The following GRIA4 variants were observed in gnomAD, a reference collection of about 807,000 sequenced individuals.
GRIA4 encodes the protein glutamate receptor 4.
Under a neutral mutation model 104.0 loss-of-function variants are expected in GRIA4, and 34 were observed. The ratio of observed to expected loss-of-function variants is 0.33; its 90% CI spans 0.25 to 0.44. GRIA4 has a LOEUF of 0.44. Among genes scored for constraint, GRIA4 ranks in the 20% least tolerant of loss-of-function variants. The probability of loss-of-function intolerance (pLI) is 1.00; values close to 1 mark genes in which losing one functional copy is unlikely to be tolerated. For synonymous variants in GRIA4, 386 were observed against 381.9 expected (o/e 1.01, Z -0.13); for missense variants, 750 against 1,096.5 (o/e 0.68, Z 4.46).
chr11:105,954,538 A>T (rs1948535734), intron 14 of GRIA4, among the ~76,000 whole-genome samples: 1 of 152,152 alleles, frequency 6.6e-6, no homozygotes, highest in Non-Finnish European at 1.5e-5. Flanking sequence ...TCTTTTCAAT[A>T]ATCAACATTA....
At chr11:105,929,113 A>C (rs1417709540) in intron 13 of GRIA4, among the ~76,000 whole-genome samples, 1 of 152,080 alleles carries the variant, frequency 6.6e-6, no homozygotes, top group African/African-American at 2.4e-5. Flanking sequence ...GGGTTCTTTG[A>C]TAAAAATCTC....
At chr11:105,654,464 C>CT (rs1204403800) in intron 3 of GRIA4, among the ~76,000 whole-genome samples, 1 of 151,596 alleles carries the variant, frequency 6.6e-6, no homozygotes, top group Non-Finnish European at 1.5e-5. Flanking sequence ...AAGAACAATA[C>CT]TTTTTTATCT....
intron 3 of GRIA4, among the ~76,000 whole-genome samples, chr11:105,692,045 C>A (rs894240061): frequency 2.6e-5 from 4 of 151,572 alleles, no homozygotes; most frequent in African/African-American, 7.3e-5. Context: ...TAAGTGAACC[C>A]CATAGTGGTG....
intron 5 of GRIA4, among the ~76,000 whole-genome samples, chr11:105,882,099 A>G (rs1159800760): frequency 6.6e-6 from 1 of 152,192 alleles, no homozygotes; most frequent in Admixed American, 6.5e-5. Context: ...GGAGTCTGGA[A>G]TTTCTATAGA....
chr11:105,896,750 T>C (rs1024016846), intron 6 of GRIA4, among the ~76,000 whole-genome samples: 3 of 152,178 alleles, frequency 2.0e-5, no homozygotes, highest in Admixed American at 6.6e-5. Flanking sequence ...GGTTTCATTA[T>C]TGTGTTCCAT....
chr11:105,955,737 CA>C (rs1236817930), intron 14 of GRIA4, among the ~76,000 whole-genome samples: 1 of 152,160 alleles, frequency 6.6e-6, no homozygotes, highest in African/African-American at 2.4e-5. Flanking sequence ...TTCCCACCAA[CA>C]GTATAAAAGC....
intron 3 of GRIA4, among the ~76,000 whole-genome samples, chr11:105,623,063 ATAT>A (rs1480967144): frequency 1.1e-4 from 3 of 26,230 alleles, no homozygotes; most frequent in African/African-American, 2.0e-4. Flanking sequence ...GTATATATAT[ATAT>A]ATATATATAT....
chr11:105,800,393 T>C (rs1182748017), intron 4 of GRIA4, among the ~76,000 whole-genome samples: 1 of 152,090 alleles, frequency 6.6e-6, no homozygotes, highest in African/African-American at 2.4e-5. Context: ...ATAATTAGAA[T>C]GAGGACAGTA....
chr11:105,865,697 T>C (rs1438247420), intron 5 of GRIA4, among the ~76,000 whole-genome samples: 1 of 152,184 alleles, frequency 6.6e-6, no homozygotes, highest in Non-Finnish European at 1.5e-5. Flanking sequence ...CTGAACTCTA[T>C]TACTTGCAAA....
chr11:105,676,701 A>G (rs1952549457), intron 3 of GRIA4, among the ~76,000 whole-genome samples: 1 of 151,806 alleles, frequency 6.6e-6, no homozygotes, highest in South Asian at 2.1e-4. Context: ...ATATTTGTAT[A>G]ATTTAAAATC....
At chr11:105,627,479 A>T (rs566339230) in intron 3 of GRIA4, among the ~76,000 whole-genome samples, 173 of 152,330 alleles carry the variant, frequency 1.1e-3, no homozygotes, top group African/African-American at 3.9e-3. Context: ...TGTTAAAAAG[A>T]CTTCTAATAG....
At chr11:105,975,354 AT>A (rs149315046) in intron 16 of GRIA4, among the ~76,000 whole-genome samples, 41,754 of 149,370 alleles carry the variant, frequency 0.28, 5,743 homozygotes, top group Non-Finnish European at 0.3. Context: ...ATTACAAACT[AT>A]TTTTTTTTTC....
In GRIA4 at chr11:105,980,649, G is replaced by A. The variant is rs1859219772; in HGVS notation, c.*910G>A. Reference sequence around the variant, plus strand: ...ATGGTATTATTTATAATCTCATTCTGTGTACAACATTGTGGTTTTTGTACC... The same window carrying A: ...ATGGTATTATTTATAATCTCATTCTATGTACAACATTGTGGTTTTTGTACC... On this transcript the variant is annotated 3_prime_UTR_variant, in exon 17 of 17. Coordinates refer to ENST00000282499, the MANE Select transcript of GRIA4 (RefSeq NM_000829.4). 1 of 152,596 alleles carries A rather than the reference G, an allele frequency of 6.6e-6. No homozygotes were observed. Among genetic ancestry groups the A allele is most frequent in the Non-Finnish European group, 1.5e-5 (1 of 68,040 alleles). 9.5% of individuals were successfully genotyped at this position (152,596 alleles called of 1,614,324 possible).
intron 14 of GRIA4, among the ~76,000 whole-genome samples, chr11:105,957,770 G>T (rs1272581585): frequency 6.6e-6 from 1 of 152,072 alleles, no homozygotes; most frequent in Admixed American, 6.5e-5. Context: ...ATTTGTTTGT[G>T]TCCTCTTTTA....
chr11:105,777,335 T>G (rs1941494028), intron 4 of GRIA4, among the ~76,000 whole-genome samples: 1 of 152,194 alleles, frequency 6.6e-6, no homozygotes, highest in African/African-American at 2.4e-5. Flanking sequence ...AGTTATATGC[T>G]TCAGTTAGCT....
At chr11:105,818,721 G>C (rs936494195) in intron 4 of GRIA4, among the ~76,000 whole-genome samples, 2 of 152,056 alleles carry the variant, frequency 1.3e-5, no homozygotes, top group Admixed American at 1.3e-4. Context: ...GAACCAAATG[G>C]CCAAAGGGCA....
At chr11:105,959,017 G>A (rs1254190937) in intron 14 of GRIA4, among the ~76,000 whole-genome samples, 2 of 152,086 alleles carry the variant, frequency 1.3e-5, no homozygotes, top group Non-Finnish European at 2.9e-5. Flanking sequence ...AGGTGACCTG[G>A]CCTGCCTCTC....
chr11:105,612,493 C>G (rs1247023795), intron 3 of GRIA4, 59 bp downstream of exon 3: 4 of 1,298,490 alleles, frequency 3.1e-6, no homozygotes, highest in South Asian at 2.7e-5. Flanking sequence ...CAATGGAGTC[C>G]TCTTCCTCTT....
intron 4 of GRIA4, among the ~76,000 whole-genome samples, chr11:105,796,908 G>A (rs1386732869): frequency 1.3e-5 from 2 of 152,200 alleles, no homozygotes; most frequent in South Asian, 2.1e-4. Context: ...GGACTATACA[G>A]AAGGCACCAT....
Sources: allele counts gnomAD v4.1 joint callset (sites outside exome capture counted in the v4.1 genomes callset), GRCh38; gene constraint gnomAD v4.1.1; transcripts MANE v1.5; gene names NCBI Gene and HGNC (gene_info 2026-07-23, HGNC 2026-07-21).